The following ZNF804B variants were observed in gnomAD, a reference collection of about 807,000 sequenced individuals.
The protein encoded by ZNF804B is zinc finger 804B.
A neutral mutation model predicts 101.4 loss-of-function variants in ZNF804B; 80 were observed. The observed-to-expected ratio is 0.79, with a 90% CI of 0.66 to 0.95. The LOEUF (loss-of-function observed/expected upper bound fraction) is 0.95, where lower values mean the gene tolerates loss of function less well. Ranked by LOEUF, ZNF804B falls within the 40% of genes least tolerant of loss-of-function variation. ZNF804B has a pLI of 0.00. For synonymous variants in ZNF804B, 622 were observed against 558.8 expected (o/e 1.11, Z -1.59); for missense variants, 1,673 against 1,561.9 (o/e 1.07, Z -1.20).
At chr7:89,252,636 T>C (rs560325018) in intron 2 of ZNF804B, among the ~76,000 whole-genome samples, 1 of 152,314 alleles carries the variant, frequency 6.6e-6, no homozygotes, top group East Asian at 1.9e-4. Context: ...TCAATCTAGA[T>C]GTTCATCAAT....
intron 1 of ZNF804B, among the ~76,000 whole-genome samples, chr7:89,086,218 ATTTG>A (rs1789798215): frequency 6.6e-6 from 1 of 152,030 alleles, no homozygotes; most frequent in South Asian, 2.1e-4. Context: ...TGACAAAAAT[ATTTG>A]TAAACCTTTT....
chr7:89,335,404 C>CA lies in ZNF804B; in HGVS notation c.2427dup (p.Leu810ThrfsTer20). On this transcript the variant is annotated frameshift_variant, in exon 4 of 4. Coordinates refer to ENST00000333190, the MANE Select transcript of ZNF804B (RefSeq NM_181646.5). LOFTEE classifies it high-confidence loss of function. Reference sequence around the variant, plus strand: ...TAGATATTGTCACTGCAGAGAAAGACAAAAACTGGGCAAAAATCAACAACA... The same window carrying CA: ...TAGATATTGTCACTGCAGAGAAAGACAAAAAACTGGGCAAAAATCAACAACA... 1 of 1,613,686 alleles carries CA rather than the reference C, an allele frequency of 6.2e-7. No individual in the cohort carries two copies. The highest frequency in any genetic ancestry group is 8.5e-7 in the Non-Finnish European group (1 of 1,179,860).
chr7:89,032,722 GTAGGAGGTAGGCACA>G (rs1788857421), intron 1 of ZNF804B, among the ~76,000 whole-genome samples: 1 of 152,060 alleles, frequency 6.6e-6, no homozygotes, highest in Non-Finnish European at 1.5e-5. Flanking sequence ...ACATCAGGGA[GTAGGAGGTAGGCACA>G]TAGGGAAATT....
At chr7:89,142,864 A>G (rs1447167601) in intron 1 of ZNF804B, among the ~76,000 whole-genome samples, 1 of 152,060 alleles carries the variant, frequency 6.6e-6, no homozygotes, top group Non-Finnish European at 1.5e-5. Context: ...TGGACCAGCA[A>G]TCTCAGTTTT....
intron 2 of ZNF804B, among the ~76,000 whole-genome samples, chr7:89,221,297 G>A (rs913741961): frequency 6.6e-6 from 1 of 151,900 alleles, no homozygotes; most frequent in Admixed American, 6.6e-5. Flanking sequence ...CACCGCCTGT[G>A]GGATTTTATG....
At chr7:89,078,537 C>T (rs1789645536) in intron 1 of ZNF804B, among the ~76,000 whole-genome samples, 1 of 151,568 alleles carries the variant, frequency 6.6e-6, no homozygotes, top group Non-Finnish European at 1.5e-5. Context: ...TTTTCCTTTC[C>T]CTTCAATATT....
rs749991925 is a variant in ZNF804B, at chr7:89,336,283, C to T, written c.3301C>T (p.Gln1101Ter). The change falls in exon 4 of 4, where the codon CAG (glutamine) becomes TAG (stop). Residue 1101 changes from glutamine to a stop codon, truncating the protein, a stop_gained. Coordinates refer to ENST00000333190, the MANE Select transcript of ZNF804B (RefSeq NM_181646.5). LOFTEE classifies it high-confidence loss of function. ...AGAAGACCAAATAAATCTAGACTTA[C>T]AGGATGTAAGCATGCATATAAATCA... ...TQEDQINLDL[Q>*]DVSMHINHVE... is the part of the protein sequence containing the mutation. 1 of 1,613,826 alleles carries T rather than the reference C, an allele frequency of 6.2e-7. No homozygotes were observed. The highest frequency in any genetic ancestry group is 8.5e-7 in the Non-Finnish European group (1 of 1,179,942).
chr7:89,049,582 C>T (rs1789163840), intron 1 of ZNF804B, among the ~76,000 whole-genome samples: 1 of 152,000 alleles, frequency 6.6e-6, no homozygotes, highest in African/African-American at 2.4e-5. Flanking sequence ...AACTTTAGTA[C>T]TCAGCTATTA....
At chr7:89,274,628 C>T (rs1584097527) in intron 2 of ZNF804B, among the ~76,000 whole-genome samples, 1 of 151,564 alleles carries the variant, frequency 6.6e-6, no homozygotes, top group South Asian at 2.1e-4. Flanking sequence ...AGACATGTTC[C>T]CCAAACTCCC....
chr7:89,025,310 G>A (rs1450025879), intron 1 of ZNF804B, among the ~76,000 whole-genome samples: 1 of 152,044 alleles, frequency 6.6e-6, no homozygotes, highest in Non-Finnish European at 1.5e-5. Flanking sequence ...ATGAGTTAAA[G>A]TCTAAATGCA....
chr7:89,264,640 C>T (rs888700741), intron 2 of ZNF804B, among the ~76,000 whole-genome samples: 5 of 152,098 alleles, frequency 3.3e-5, no homozygotes, highest in Non-Finnish European at 5.9e-5. Flanking sequence ...GAGTATAATC[C>T]AAGGTTCTGC....
At chr7:89,183,278 T>C (rs920640427) in intron 1 of ZNF804B, among the ~76,000 whole-genome samples, 2 of 152,008 alleles carry the variant, frequency 1.3e-5, no homozygotes, top group African/African-American at 4.8e-5. Flanking sequence ...GACCAAAAAG[T>C]GTACCGAAGC....
chr7:89,252,332 T>A (rs2115791057), intron 2 of ZNF804B, among the ~76,000 whole-genome samples: 1 of 152,198 alleles, frequency 6.6e-6, no homozygotes, highest in Admixed American at 6.5e-5. Flanking sequence ...AGATACCATC[T>A]CACATCAGTC....
At chr7:88,906,915 T>G (rs915162796) in intron 1 of ZNF804B, among the ~76,000 whole-genome samples, 2 of 152,102 alleles carry the variant, frequency 1.3e-5, no homozygotes, top group African/African-American at 4.8e-5. Flanking sequence ...CTGAGTGCTC[T>G]GATGTTGGGT....
At chr7:89,331,361 C>T (rs1224673972) in intron 3 of ZNF804B, among the ~76,000 whole-genome samples, 1 of 151,600 alleles carries the variant, frequency 6.6e-6, no homozygotes, top group East Asian at 1.9e-4. Context: ...TACTTTTATG[C>T]TTGAAAGAAA....
At chr7:89,003,178 G>C (rs932868107) in intron 1 of ZNF804B, among the ~76,000 whole-genome samples, 2 of 151,850 alleles carry the variant, frequency 1.3e-5, no homozygotes, top group Non-Finnish European at 2.9e-5. Flanking sequence ...AATAGTACAT[G>C]CGTGATTTTG....
At chr7:88,832,286 G>A (rs1379031441) in intron 1 of ZNF804B, among the ~76,000 whole-genome samples, 1 of 151,806 alleles carries the variant, frequency 6.6e-6, no homozygotes, top group Non-Finnish European at 1.5e-5. Flanking sequence ...CTAATAATTT[G>A]CTAACTTAGA....
At chr7:88,847,099 G>T (rs865817443) in intron 1 of ZNF804B, among the ~76,000 whole-genome samples, 6 of 152,062 alleles carry the variant, frequency 3.9e-5, no homozygotes, top group African/African-American at 1.4e-4. Flanking sequence ...AATACTTGAA[G>T]ATACTCTCAG....
chr7:88,842,974 A>G (rs1490367027), intron 1 of ZNF804B, among the ~76,000 whole-genome samples: 1 of 152,230 alleles, frequency 6.6e-6, no homozygotes, highest in Non-Finnish European at 1.5e-5. Context: ...AATAATTTCT[A>G]TAATCCTTAA....
Sources: allele counts gnomAD v4.1 joint callset (sites outside exome capture counted in the v4.1 genomes callset), GRCh38; gene constraint gnomAD v4.1.1; transcripts MANE v1.5; gene names NCBI Gene and HGNC (gene_info 2026-07-23, HGNC 2026-07-21).